Variants in PLEKHA5 observed in about 807,000 individuals in gnomAD.
The protein encoded by PLEKHA5 is pleckstrin homology domain containing A5, also known as pleckstrin homology domain-containing family A member 5.
In PLEKHA5, 55 loss-of-function variants were observed where a neutral mutation model predicts 181.9. The observed-to-expected ratio is 0.30, with a 90% CI of 0.24 to 0.38. The LOEUF (loss-of-function observed/expected upper bound fraction) is 0.38. Among genes scored for constraint, PLEKHA5 ranks in the 10% least tolerant of loss-of-function variants. PLEKHA5 has a pLI of 1.00. For synonymous variants in PLEKHA5, 535 were observed against 529.4 expected (o/e 1.01, Z -0.15); for missense variants, 1,432 against 1,549.5 (o/e 0.92, Z 1.27).
intron 3 of PLEKHA5, among the ~76,000 whole-genome samples, chr12:19,209,256 A>G (rs2056407968): frequency 6.6e-6 from 1 of 152,208 alleles, no homozygotes. Context: ...GATTCACAAA[A>G]AGTTTATGGG....
At chr12:19,299,077 G>T (rs2080748554) in intron 15 of PLEKHA5, among the ~76,000 whole-genome samples, 1 of 152,206 alleles carries the variant, frequency 6.6e-6, no homozygotes, top group Non-Finnish European at 1.5e-5. Flanking sequence ...TTGGCATCCT[G>T]CCTGCCTCTC....
intron 3 of PLEKHA5, chr12:19,200,636 A>G (rs2053978534): frequency 3.6e-6 from 4 of 1,100,100 alleles, no homozygotes; most frequent in Admixed American, 9.7e-5. Flanking sequence ...TTCCTCTTCA[A>G]TCCAAATCTG....
intron 3 of PLEKHA5, among the ~76,000 whole-genome samples, chr12:19,195,026 C>T (rs1053048331): frequency 3.3e-5 from 5 of 151,120 alleles, no homozygotes; most frequent in Non-Finnish European, 7.4e-5. Flanking sequence ...GTGTTTGTCA[C>T]ATTTCAAAAA....
chr12:19,201,335 G>T (rs2054130698), intron 3 of PLEKHA5: 1 of 152,054 alleles, frequency 6.6e-6, no homozygotes, highest in Non-Finnish European at 1.5e-5. Flanking sequence ...AAGACGATCA[G>T]TATCAAGTAT....
At position 19,226,255 on chromosome 12, in the gene PLEKHA5, G is replaced by C. The variant is rs542459683; in HGVS notation, c.228-27685G>C. Among the ~76,000 whole-genome samples, 17 of 152,262 alleles carry C rather than the reference G, an allele frequency of 1.1e-4. No individual in the cohort carries two copies. The South Asian group carries it at 2.5e-3, about 22-fold the overall frequency. ...TAATGGTTTTGTGATTCATGTTGTA[G>C]CATGTATCAGTACATCATTCCTTTT... On this transcript the variant is annotated intron_variant, in intron 3 of 31. Transcript: ENST00000429027.
At position 19,292,445 on chromosome 12, in the gene PLEKHA5, G is replaced by A. The variant is rs538750800; in HGVS notation, c.2037+748G>A. Among the ~76,000 whole-genome samples, 5 of 152,178 alleles carry A rather than the reference G, an allele frequency of 3.3e-5. No individual in the cohort carries two copies. In the South Asian group the frequency reaches 1.0e-3, roughly 32 times the overall value. Reference sequence around the variant, plus strand: ...ACAGAGAAAGAGAGAGAGGGAGGGAGTAAGGGAGGAAGGAAGATGGGTGAA... The same window carrying A: ...ACAGAGAAAGAGAGAGAGGGAGGGAATAAGGGAGGAAGGAAGATGGGTGAA... On this transcript the variant is annotated intron_variant, in intron 15 of 31. Transcript: ENST00000429027.
At chr12:19,172,711 T>TGC (rs2046197669) in intron 3 of PLEKHA5, among the ~76,000 whole-genome samples, 1 of 152,136 alleles carries the variant, frequency 6.6e-6, no homozygotes, top group South Asian at 2.1e-4. Context: ...GCAGTAACCC[T>TGC]TAAGAGAGCA....
chr12:19,361,243 C>G (rs778151193), intron 28 of PLEKHA5, among the ~76,000 whole-genome samples: 3 of 151,946 alleles, frequency 2.0e-5, no homozygotes, highest in Admixed American at 6.6e-5. Context: ...GAGTGCAGTC[C>G]GCGATCTCCG....
At chr12:19,262,635 C>T (rs951391652) in intron 7 of PLEKHA5, among the ~76,000 whole-genome samples, 2 of 152,172 alleles carry the variant, frequency 1.3e-5, no homozygotes, top group African/African-American at 4.8e-5. Context: ...ATCACTTTTA[C>T]TATAATAGGA....
At chr12:19,344,049 CAA>C (rs35734108) in intron 22 of PLEKHA5, among the ~76,000 whole-genome samples, 500 of 120,964 alleles carry the variant, frequency 4.1e-3, no homozygotes, top group African/African-American at 0.013. Flanking sequence ...GAAACTGTCC[CAA>C]AAAAAAAAAA....
At chr12:19,161,828 G>C (rs901807462) in intron 3 of PLEKHA5, among the ~76,000 whole-genome samples, 1 of 152,136 alleles carries the variant, frequency 6.6e-6, no homozygotes, top group Non-Finnish European at 1.5e-5. Flanking sequence ...TTACTATAAC[G>C]TACGTGTTCT....
At chr12:19,169,778 A>G (rs1410098403) in intron 3 of PLEKHA5, among the ~76,000 whole-genome samples, 1 of 152,190 alleles carries the variant, frequency 6.6e-6, no homozygotes, top group Non-Finnish European at 1.5e-5. Context: ...TCAAGATTTA[A>G]TTGGGCCACA....
intron 16 of PLEKHA5, among the ~76,000 whole-genome samples, chr12:19,317,967 A>C (rs2089511184): frequency 6.7e-6 from 1 of 148,842 alleles, no homozygotes; most frequent in African/African-American, 2.5e-5. Context: ...TATTTGAAAA[A>C]AATGATAAAC....
chr12:19,333,612 T>TTTC (rs1438665148), intron 20 of PLEKHA5, among the ~76,000 whole-genome samples: 1 of 146,186 alleles, frequency 6.8e-6, no homozygotes, highest in Non-Finnish European at 1.5e-5. Context: ...TTCATTCTCT[T>TTTC]TTTTTTTTTT....
At chr12:19,184,553 A>G (rs369414476) in intron 3 of PLEKHA5, among the ~76,000 whole-genome samples, 181 of 152,330 alleles carry the variant, frequency 1.2e-3, no homozygotes, top group Middle Eastern at 3.4e-3. Context: ...GTGCTGTGAA[A>G]GCATACCCCT....
intron 3 of PLEKHA5, among the ~76,000 whole-genome samples, chr12:19,239,617 AGGAGG>A (rs2062082005): frequency 6.6e-6 from 1 of 152,228 alleles, no homozygotes; most frequent in Admixed American, 6.5e-5. Context: ...AAGAAAACCT[AGGAGG>A]GGAGCAAATA....
At position 19,322,511 on chromosome 12, in the gene PLEKHA5, A is replaced by G. The variant is rs377651909; in HGVS notation, c.2299-7A>G. 1.2e-6 allele frequency: 2 copies of G among 1,613,544 alleles called. No homozygotes were observed. Among genetic ancestry groups the G allele is most frequent in the East Asian group, 2.2e-5 (1 of 44,866 alleles). On this transcript the variant is annotated splice_region_variant and splice_polypyrimidine_tract_variant and intron_variant, in intron 19 of 31. Coordinates refer to ENST00000429027, the MANE Select transcript of PLEKHA5 (RefSeq NM_001256470.2). ...AACATTAAGTGTAATTCTTTTTATCATAATAGTACACGCTTGAGCAAGCTT... is the reference window on the plus strand; with the variant it reads ...AACATTAAGTGTAATTCTTTTTATCGTAATAGTACACGCTTGAGCAAGCTT...
intron 31 of PLEKHA5, among the ~76,000 whole-genome samples, chr12:19,373,862 T>G (rs2095647959): frequency 6.6e-6 from 1 of 152,190 alleles, no homozygotes; most frequent in Non-Finnish European, 1.5e-5. Context: ...CACATATCCT[T>G]CCAATAATAA....
At chr12:19,192,084 A>G (rs2051279684) in intron 3 of PLEKHA5, among the ~76,000 whole-genome samples, 1 of 152,152 alleles carries the variant, frequency 6.6e-6, no homozygotes, top group African/African-American at 2.4e-5. Context: ...CATACTTTAA[A>G]AGGATATCTT....
Sources: allele counts gnomAD v4.1 joint callset (sites outside exome capture counted in the v4.1 genomes callset), GRCh38; gene constraint gnomAD v4.1.1; transcripts MANE v1.5; gene names NCBI Gene and HGNC (gene_info 2026-07-23, HGNC 2026-07-21).